The following CAMK4 variants were observed in gnomAD, a reference collection of about 807,000 sequenced individuals.
CAMK4 encodes the protein calcium/calmodulin dependent protein kinase IV, also known as calcium/calmodulin-dependent protein kinase type IV.
A neutral mutation model predicts 44.9 loss-of-function variants in CAMK4; 22 were observed. That is an observed-to-expected ratio of 0.49 (90% confidence interval 0.35 to 0.70). CAMK4 has a LOEUF of 0.70. Ranked by LOEUF, CAMK4 falls within the 30% of genes least tolerant of loss-of-function variation. The probability of loss-of-function intolerance (pLI) is 0.01; values close to 1 mark genes in which losing one functional copy is unlikely to be tolerated. For synonymous variants in CAMK4, 218 were observed against 215.4 expected, an observed-to-expected ratio of 1.01 and a Z score of -0.11; for missense variants, 498 against 586.8, an observed-to-expected ratio of 0.85 and a Z score of 1.56.
In CAMK4 at chr5:111,314,893, T is replaced by C. The variant is rs17133057; in HGVS notation, c.162-29131T>C. ...TTGACATTTTGAAGAGTGGATCATA[T>C]CAATTTAGATGATGAAATGTAATTT... On this transcript the variant is annotated intron_variant, in intron 1 of 10. Coordinates refer to ENST00000282356, the MANE Select transcript of CAMK4 (RefSeq NM_001744.6). Among the ~76,000 whole-genome samples the C allele has an allele frequency of 8.4e-3, 1,275 of 152,184 alleles. 17 individuals carry two copies. The highest frequency in any genetic ancestry group is 0.034 in the East Asian group (178 of 5,174).
Position 111,308,276 on chromosome 5 carries a change from T to C in CAMK4, c.162-35748T>C, listed in dbSNP as rs1748024609. Among the ~76,000 whole-genome samples, 3 of 148,200 alleles carry C rather than the reference T, an allele frequency of 2.0e-5. No individual in the cohort carries two copies. In the South Asian group the frequency reaches 6.4e-4, roughly 31 times the overall value. On this transcript the variant is annotated intron_variant, in intron 1 of 10. Transcript: ENST00000282356. Reference sequence around the variant, plus strand: ...AAAAAAATAAAATAAAATAAATGTATCAAAACTAGTTCTTATTTTAAAATG... The same window carrying C: ...AAAAAAATAAAATAAAATAAATGTACCAAAACTAGTTCTTATTTTAAAATG...
Position 111,464,684 on chromosome 5 carries a change from C to T in CAMK4, c.626-8627C>T, listed in dbSNP as rs977494690. Among the ~76,000 whole-genome samples the T allele has an allele frequency of 7.2e-5, 11 of 152,062 alleles. 1 individual carries two copies. Among genetic ancestry groups the T allele is most frequent in the South Asian group, 4.1e-4 (2 of 4,822 alleles). ...ACTGTATCTAAACTCAAAGAGAACA[C>T]GAGAAGTCAAGAGAGGACAGTGGGG... On this transcript the variant is annotated intron_variant, in intron 7 of 10. Coordinates refer to ENST00000282356, the MANE Select transcript of CAMK4 (RefSeq NM_001744.6).
intron 5 of CAMK4, among the ~76,000 whole-genome samples, chr5:111,421,803 A>T (rs940008829): frequency 3.3e-5 from 5 of 152,162 alleles, no homozygotes. Flanking sequence ...CATAATCCTC[A>T]CGTGTCATGG....
intron 1 of CAMK4, among the ~76,000 whole-genome samples, chr5:111,230,336 G>A (rs1260916393): frequency 1.3e-5 from 2 of 152,134 alleles, no homozygotes; most frequent in Non-Finnish European, 2.9e-5. Context: ...TTTACCACAG[G>A]TGTATCAGAA....
rs1748057392 is a variant in CAMK4, at chr5:111,224,392, C to T, written c.-92C>T. The stretch of plus-strand genomic sequence containing the variant: ...CGTGAAGGACGCCGCCTCTCTCTCG[C>T]TCCTGCGTTCGCAGGCGGCGGCTGG... On this transcript the variant is annotated 5_prime_UTR_variant, in exon 1 of 11. Transcript: ENST00000282356. The surrounding 1 kb of genome is among the most constrained non-coding windows in gnomAD (Gnocchi z 5.7). The T allele has an allele frequency of 1.2e-5, 18 of 1,455,464 alleles. No homozygotes were observed. The highest frequency in any genetic ancestry group is 2.5e-5 in the Admixed American group (1 of 39,688). The allele number at this position is 1,455,464 out of a possible 1,614,324, so 90.2% of individuals were successfully genotyped here. A position where few individuals can be genotyped will look rare whatever the true frequency, so the allele number is the denominator to read the frequency against.
rs532084089 is a variant in CAMK4, at chr5:111,229,532, T to C, written c.161+4888T>C. The stretch of plus-strand genomic sequence containing the variant: ...GACACAATTCAGTCCACAGCATGGC[T>C]GCTGAAGAAACAGATTCTCCTTTTT... On this transcript the variant is annotated intron_variant, in intron 1 of 10. Transcript: ENST00000282356. Among the ~76,000 whole-genome samples the C allele has an allele frequency of 7.2e-5, 11 of 152,378 alleles. No individual in the cohort carries two copies. The East Asian group carries it at 2.1e-3, about 29-fold the overall frequency.
At chr5:111,234,542 A>T (rs1375057871) in intron 1 of CAMK4, among the ~76,000 whole-genome samples, 2 of 152,196 alleles carry the variant, frequency 1.3e-5, no homozygotes, top group East Asian at 3.9e-4. Context: ...TAACTAATGC[A>T]CTTCGTGGCA....
chr5:111,318,541 G>A (rs757384268), intron 1 of CAMK4, among the ~76,000 whole-genome samples: 2 of 152,130 alleles, frequency 1.3e-5, no homozygotes, highest in Admixed American at 1.3e-4. Context: ...GGTTGGAGGT[G>A]GAGGAACTAA....
At chr5:111,412,535 G>A (rs1752666981) in intron 5 of CAMK4, among the ~76,000 whole-genome samples, 1 of 152,158 alleles carries the variant, frequency 6.6e-6, no homozygotes, top group South Asian at 2.1e-4. Flanking sequence ...AACACTAGAG[G>A]ACAATAGAGC....
At chr5:111,243,706 G>A (rs1397501025) in intron 1 of CAMK4, among the ~76,000 whole-genome samples, 1 of 152,134 alleles carries the variant, frequency 6.6e-6, no homozygotes, top group African/African-American at 2.4e-5. Flanking sequence ...GGATGAGGAA[G>A]GATTCAGGCA....
intron 4 of CAMK4, among the ~76,000 whole-genome samples, chr5:111,377,312 A>G (rs745388224): frequency 1.3e-5 from 2 of 152,128 alleles, no homozygotes; most frequent in African/African-American, 4.8e-5. Context: ...AAAATTAAAC[A>G]TGTACTCTGT....
chr5:111,458,162 G>A (rs55720525), intron 7 of CAMK4, among the ~76,000 whole-genome samples: 5,801 of 152,278 alleles, frequency 0.038, 223 homozygotes, highest in African/African-American at 0.1. Flanking sequence ...TCCCCAAGCC[G>A]TCATATAACT....
At chr5:111,230,448 C>T (rs1748413847) in intron 1 of CAMK4, among the ~76,000 whole-genome samples, 2 of 152,114 alleles carry the variant, frequency 1.3e-5, no homozygotes, top group East Asian at 1.9e-4. Flanking sequence ...GAAATATACT[C>T]ACTGTAAAAA....
intron 1 of CAMK4, among the ~76,000 whole-genome samples, chr5:111,281,919 G>A (rs550166539): frequency 5.6e-4 from 85 of 151,866 alleles, no homozygotes; most frequent in African/African-American, 1.8e-3. Context: ...TTAGCCGGGC[G>A]AGGTGGCGGG....
At chr5:111,454,943 T>C (rs571456670) in intron 7 of CAMK4, among the ~76,000 whole-genome samples, 28 of 152,348 alleles carry the variant, frequency 1.8e-4, no homozygotes, top group African/African-American at 6.7e-4. Context: ...GTACTTGTCT[T>C]TATTCAAATT....
chr5:111,480,051 A>G (rs1381784614), intron 9 of CAMK4, among the ~76,000 whole-genome samples: 8 of 151,760 alleles, frequency 5.3e-5, no homozygotes, highest in African/African-American at 9.7e-5. Context: ...GATCTACATG[A>G]CGCTGCCTGG....
At chr5:111,397,563 C>A (rs1197843901) in intron 5 of CAMK4, among the ~76,000 whole-genome samples, 1 of 151,832 alleles carries the variant, frequency 6.6e-6, no homozygotes, top group South Asian at 2.1e-4. Flanking sequence ...TCATATATTA[C>A]ACCAATAGAA....
At chr5:111,309,076 C>G (rs564680169) in intron 1 of CAMK4, among the ~76,000 whole-genome samples, 1 of 152,274 alleles carries the variant, frequency 6.6e-6, no homozygotes, top group East Asian at 1.9e-4. Context: ...ATCTTAGAGT[C>G]TTTGAGTTCA....
rs751364824 is a variant in CAMK4 at position 111,446,675 on chromosome 5, T to G, written c.460-11T>G. On this transcript the variant is annotated splice_polypyrimidine_tract_variant and intron_variant, in intron 5 of 10. Coordinates refer to ENST00000282356, the MANE Select transcript of CAMK4 (RefSeq NM_001744.6). ...TTACACAAATGTTATTTCATTATTT[T>G]CCCTCTTTAGTATCTACATGAAAAT... The G allele has an allele frequency of 5.7e-6, 8 of 1,392,626 alleles. No homozygotes were observed. Among genetic ancestry groups the G allele is most frequent in the Admixed American group, 1.9e-5 (1 of 52,958 alleles). The allele number at this position is 1,392,626 out of a possible 1,614,324, so 86.3% of individuals were successfully genotyped here.
Sources: allele counts gnomAD v4.1 joint callset (sites outside exome capture counted in the v4.1 genomes callset), GRCh38; gene constraint gnomAD v4.1.1; non-coding constraint Gnocchi (gnomAD v3.1); transcripts MANE v1.5; gene names NCBI Gene and HGNC (gene_info 2026-07-23, HGNC 2026-07-21).